The following KCNH5 variants were observed in gnomAD, a reference collection of about 807,000 sequenced individuals.
The protein encoded by KCNH5 is potassium voltage-gated channel subfamily H member 5.
In KCNH5, 46 loss-of-function variants were observed where a neutral mutation model predicts 96.1. The ratio of observed to expected loss-of-function variants is 0.48; its 90% CI spans 0.38 to 0.61. The LOEUF is 0.61. KCNH5 is among the 20% of genes least tolerant of loss of function. The pLI is 0.00. For synonymous variants in KCNH5, 439 were observed against 449.8 expected, an observed-to-expected ratio of 0.98 and a Z score of 0.30; for missense variants, 907 against 1,225.8, an observed-to-expected ratio of 0.74 and a Z score of 3.88.
intron 10 of KCNH5, among the ~76,000 whole-genome samples, chr14:62,758,542 T>C (rs1331476817): frequency 6.6e-6 from 1 of 152,216 alleles, no homozygotes. Context: ...TGGGTATCAA[T>C]TTCTACCACC....
intron 6 of KCNH5, among the ~76,000 whole-genome samples, chr14:62,976,850 GGTTT>G (rs1465840010): frequency 6.6e-6 from 1 of 152,068 alleles, no homozygotes; most frequent in Non-Finnish European, 1.5e-5. Flanking sequence ...AGTAAAGAGA[GGTTT>G]GTTTAAGAAA....
intron 9 of KCNH5, among the ~76,000 whole-genome samples, chr14:62,790,324 T>A (rs73273110): frequency 0.016 from 2,469 of 151,964 alleles, 71 homozygotes; most frequent in African/African-American, 0.056. Flanking sequence ...TAATTTTAAA[T>A]CAGGAAGTGT....
At position 62,903,678 on chromosome 14, in the gene KCNH5, G is replaced by A. The variant is rs181080084; in HGVS notation, c.1369+46455C>T. Among the ~76,000 whole-genome samples, 770 of 151,480 alleles carry A rather than the reference G, an allele frequency of 5.1e-3. 3 individuals are homozygous for A. Among genetic ancestry groups the A allele is most frequent in the Middle Eastern group, 0.01 (3 of 294 alleles). The stretch of plus-strand genomic sequence containing the variant: ...TGTCAAAGCACAATAGTAAACAAAC[G>A]TTAAAAAAAACCTATTCCATACTGA... On this transcript the variant is annotated intron_variant, in intron 7 of 10. Coordinates refer to ENST00000322893, the MANE Select transcript of KCNH5 (RefSeq NM_139318.5).
At chr14:62,888,686 A>G (rs1888645819) in intron 7 of KCNH5, among the ~76,000 whole-genome samples, 1 of 152,270 alleles carries the variant, frequency 6.6e-6, no homozygotes, top group African/African-American at 2.4e-5. Flanking sequence ...TTAAAAAGCA[A>G]GTTTCTGTGC....
chr14:62,777,537 T>C (rs1261830913), intron 10 of KCNH5, among the ~76,000 whole-genome samples: 1 of 152,242 alleles, frequency 6.6e-6, no homozygotes, highest in Non-Finnish European at 1.5e-5. Flanking sequence ...ATGAGTATAT[T>C]GTTTCTCTGA....
At chr14:62,814,751 C>G (rs1327354816) in intron 8 of KCNH5, among the ~76,000 whole-genome samples, 6 of 127,046 alleles carry the variant, frequency 4.7e-5, no homozygotes, top group African/African-American at 1.8e-4. Context: ...CCACTGCACT[C>G]CAGCCTGGGC....
chr14:62,858,999 G>T (rs1273273813), intron 7 of KCNH5, among the ~76,000 whole-genome samples: 5 of 152,200 alleles, frequency 3.3e-5, no homozygotes, highest in African/African-American at 1.2e-4. Flanking sequence ...TAAAGTGAGT[G>T]CCTTGGTCAG....
At chr14:62,889,384 G>A (rs903465570) in intron 7 of KCNH5, among the ~76,000 whole-genome samples, 36 of 152,126 alleles carry the variant, frequency 2.4e-4, no homozygotes, top group African/African-American at 8.5e-4. Flanking sequence ...GCCAAGCCAG[G>A]AAAAGCAGAG....
chr14:62,909,030 G>GT (rs1566703759), intron 7 of KCNH5, among the ~76,000 whole-genome samples: 14 of 100,756 alleles, frequency 1.4e-4, no homozygotes, highest in African/African-American at 3.2e-4. Flanking sequence ...ACTATGCTAC[G>GT]TATTTTTTTT....
At chr14:62,781,386 T>C (rs530175912) in intron 9 of KCNH5, among the ~76,000 whole-genome samples, 4 of 152,212 alleles carry the variant, frequency 2.6e-5, no homozygotes, top group African/African-American at 7.2e-5. Flanking sequence ...TTGTCATTGA[T>C]AACATCTTAT....
intron 6 of KCNH5, among the ~76,000 whole-genome samples, chr14:62,976,784 A>G (rs1039877208): frequency 6.6e-6 from 1 of 152,210 alleles, no homozygotes; most frequent in Admixed American, 6.5e-5. Flanking sequence ...ATTCTGAAGG[A>G]AAATTATCTC....
chr14:62,709,500 C>T (rs961200528), intron 10 of KCNH5, among the ~76,000 whole-genome samples: 1 of 152,018 alleles, frequency 6.6e-6, no homozygotes, highest in African/African-American at 2.4e-5. Flanking sequence ...AACTCATGAT[C>T]GTTCTACCAC....
chr14:62,712,899 G>A (rs1366155455), intron 10 of KCNH5, among the ~76,000 whole-genome samples: 1 of 152,140 alleles, frequency 6.6e-6, no homozygotes, highest in Admixed American at 6.5e-5. Context: ...GACACCTTGT[G>A]TTTTTGTTTT....
chr14:62,757,088 C>T (rs998251415), intron 10 of KCNH5, among the ~76,000 whole-genome samples: 7 of 152,054 alleles, frequency 4.6e-5, no homozygotes, highest in Non-Finnish European at 4.4e-5. Flanking sequence ...GCTCAAATAA[C>T]CCCATAGGAA....
chr14:63,002,556 T>A (rs756121005), intron 3 of KCNH5, among the ~76,000 whole-genome samples: 2 of 152,168 alleles, frequency 1.3e-5, no homozygotes, highest in African/African-American at 2.4e-5. Flanking sequence ...CAGGTATTAA[T>A]AGTCTGTAGG....
At chr14:62,903,428 G>T (rs1263770597) in intron 7 of KCNH5, among the ~76,000 whole-genome samples, 1 of 152,090 alleles carries the variant, frequency 6.6e-6, no homozygotes, top group Middle Eastern at 3.2e-3. Flanking sequence ...TTGAAGCAAG[G>T]AACACATACT....
chr14:63,028,221 C>G (rs1217563637), intron 1 of KCNH5, among the ~76,000 whole-genome samples: 1 of 152,000 alleles, frequency 6.6e-6, no homozygotes, highest in Non-Finnish European at 1.5e-5. Context: ...TTACCCTGCC[C>G]CCATCATACC....
chr14:62,950,666 A>G, intron 6 of KCNH5, 107 bp from the exon 7 acceptor site: 1 of 905,410 alleles, frequency 1.1e-6, no homozygotes, highest in South Asian at 2.0e-5. Flanking sequence ...CCAATTATAT[A>G]TTAAGAACAT....
At chr14:62,776,033 C>G (rs1057128034) in intron 10 of KCNH5, among the ~76,000 whole-genome samples, 1 of 151,988 alleles carries the variant, frequency 6.6e-6, no homozygotes, top group African/African-American at 2.4e-5. Context: ...CTTTGGGAGG[C>G]TGAGGTGGGT....
Sources: allele counts gnomAD v4.1 joint callset (sites outside exome capture counted in the v4.1 genomes callset), GRCh38; gene constraint gnomAD v4.1.1; transcripts MANE v1.5; gene names NCBI Gene and HGNC (gene_info 2026-07-23, HGNC 2026-07-21).